Variants in SKAP1 observed in about 807,000 individuals in gnomAD.
SKAP1 encodes the protein src kinase-associated phosphoprotein 1.
SKAP1 carries 44 observed loss-of-function variants against 58.5 expected under a neutral mutation model. The observed-to-expected ratio is 0.75, with a 90% CI of 0.59 to 0.97. The LOEUF (loss-of-function observed/expected upper bound fraction) is 0.97, where lower values mean the gene tolerates loss of function less well. Among genes scored for constraint, SKAP1 ranks in the 50% least tolerant of loss-of-function variants. The pLI is 0.00. For synonymous variants in SKAP1, 127 were observed against 149.7 expected, an observed-to-expected ratio of 0.85 and a Z score of 1.11; for missense variants, 390 against 435.2, an observed-to-expected ratio of 0.90 and a Z score of 0.92.
chr17:48,235,335 G>A (rs1332457839), intron 4 of SKAP1, among the ~76,000 whole-genome samples: 2 of 152,124 alleles, frequency 1.3e-5, no homozygotes, highest in African/African-American at 4.8e-5. Flanking sequence ...TGACCATGGA[G>A]CATTCAGCAT....
At chr17:48,269,944 C>G (rs1168461128) in intron 4 of SKAP1, among the ~76,000 whole-genome samples, 1 of 152,036 alleles carries the variant, frequency 6.6e-6, no homozygotes, top group Non-Finnish European at 1.5e-5. Context: ...GAAACCCTGT[C>G]TCTACTAAAA....
chr17:48,249,635 C>T (rs1412971145), intron 4 of SKAP1, among the ~76,000 whole-genome samples: 1 of 151,822 alleles, frequency 6.6e-6, no homozygotes, highest in Non-Finnish European at 1.5e-5. Flanking sequence ...GATCATGCCT[C>T]GGCACTCCAG....
chr17:48,162,061 G>C (rs2064077108), intron 11 of SKAP1, among the ~76,000 whole-genome samples: 1 of 152,080 alleles, frequency 6.6e-6, no homozygotes, highest in Non-Finnish European at 1.5e-5. Context: ...CGCCTCCCGG[G>C]TTCAAGCAAT....
intron 6 of SKAP1, 132 bp from the exon 7 acceptor site, chr17:48,184,979 G>C: frequency 1.2e-6 from 1 of 837,352 alleles, no homozygotes; most frequent in Admixed American, 3.1e-5. Context: ...GTCAAGGAAA[G>C]GTTATTAGAG....
chr17:48,176,602 T>C (rs966186741), intron 9 of SKAP1, among the ~76,000 whole-genome samples: 5 of 152,144 alleles, frequency 3.3e-5, no homozygotes, highest in Admixed American at 6.5e-5. Context: ...AACACGGATG[T>C]TCAGAAATTC....
intron 4 of SKAP1, among the ~76,000 whole-genome samples, chr17:48,322,834 G>A (rs571005464): frequency 2.0e-5 from 3 of 152,332 alleles, no homozygotes; most frequent in South Asian, 2.1e-4. Context: ...GGCGGCTCAC[G>A]CCTGTAATCC....
chr17:48,164,823 G>C (rs1206147963), intron 10 of SKAP1, among the ~76,000 whole-genome samples: 2 of 152,200 alleles, frequency 1.3e-5, no homozygotes, highest in East Asian at 3.9e-4. Flanking sequence ...TCTCTATTAA[G>C]GAAATCAGTG....
chr17:48,303,081 GA>G (rs1170912118), intron 4 of SKAP1, among the ~76,000 whole-genome samples: 4 of 152,040 alleles, frequency 2.6e-5, no homozygotes, highest in African/African-American at 9.7e-5. Flanking sequence ...AGTACAAAGT[GA>G]AAAAACAAGA....
intron 4 of SKAP1, among the ~76,000 whole-genome samples, chr17:48,236,652 C>T (rs1224981189): frequency 1.3e-5 from 2 of 152,148 alleles, no homozygotes; most frequent in East Asian, 3.8e-4. Context: ...AGGATGTTAA[C>T]TGAGACTGCG....
intron 4 of SKAP1, among the ~76,000 whole-genome samples, chr17:48,221,030 A>G (rs1355137720): frequency 1.3e-5 from 2 of 152,094 alleles, no homozygotes; most frequent in Non-Finnish European, 2.9e-5. Context: ...GTACTTTCGG[A>G]GGCCAAGGCA....
upstream of SKAP1, among the ~76,000 whole-genome samples, chr17:48,433,782 C>A (rs1421699910): frequency 6.6e-6 from 1 of 152,186 alleles, no homozygotes; most frequent in Non-Finnish European, 1.5e-5. Context: ...GCACTGTCAG[C>A]AGACAGAAGA....
intron 4 of SKAP1, among the ~76,000 whole-genome samples, chr17:48,268,264 TA>T (rs758430323): frequency 8.0e-6 from 1 of 124,258 alleles, no homozygotes; most frequent in African/African-American, 3.0e-5. Flanking sequence ...AAAGACTACT[TA>T]AAAAAAAAAC....
chr17:48,419,056 G>A (rs2067764468), intron 1 of SKAP1, among the ~76,000 whole-genome samples: 1 of 151,818 alleles, frequency 6.6e-6, no homozygotes, highest in African/African-American at 2.4e-5. Context: ...TACCTAAAGT[G>A]CTAAGAAGAA....
chr17:48,220,873 A>AAAAG (rs2064996846), intron 4 of SKAP1, among the ~76,000 whole-genome samples: 6 of 91,742 alleles, frequency 6.5e-5, no homozygotes, highest in African/African-American at 2.2e-4. Flanking sequence ...AAAAAAAAAA[A>AAAAG]AAAAGAAAAG....
chr17:48,149,580 C>A (rs1249749228), intron 11 of SKAP1, among the ~76,000 whole-genome samples: 3 of 152,202 alleles, frequency 2.0e-5, no homozygotes, highest in African/African-American at 7.2e-5. Flanking sequence ...CTTATAGCTT[C>A]ATTTCCTGGA....
intron 4 of SKAP1, among the ~76,000 whole-genome samples, chr17:48,249,499 C>G (rs553372490): frequency 6.6e-6 from 1 of 151,908 alleles, no homozygotes; most frequent in Non-Finnish European, 1.5e-5. Context: ...ATGATGAAAC[C>G]CTGTCTCTAC....
chr17:48,264,316 T>A (rs184603759), intron 4 of SKAP1, among the ~76,000 whole-genome samples: 1 of 150,582 alleles, frequency 6.6e-6, no homozygotes, highest in African/African-American at 2.5e-5. Flanking sequence ...CTACCTAATG[T>A]TAGTTCAGGC....
At position 48,430,131 on chromosome 17, in the gene SKAP1, G is replaced by T; in HGVS notation, c.-11C>A. On this transcript the variant is annotated 5_prime_UTR_variant, in exon 1 of 13. Transcript: ENST00000336915. Reference sequence around the variant, plus strand: ...GGCGGCGGCCTGCATTTGGCTGGGCGGGAGAGAGGCGGGACGGGGCGCGGG... The same window carrying T: ...GGCGGCGGCCTGCATTTGGCTGGGCTGGAGAGAGGCGGGACGGGGCGCGGG... The T allele has an allele frequency of 1.6e-6, 2 of 1,260,702 alleles. No homozygotes were observed. Among genetic ancestry groups the T allele is most frequent in the Non-Finnish European group, 2.0e-6 (2 of 995,548 alleles). The allele number at this position is 1,260,702 out of a possible 1,614,324, so 78.1% of individuals were successfully genotyped here.
rs2067198234 is a variant in SKAP1 at position 48,380,228 on chromosome 17, G to A, written c.153-16414C>T. ...GGCTTTCAGTTCTGTCTCACTTTGAGGGATTCTCCAGCATCAGAAACATCT... is the reference window on the plus strand; with the variant it reads ...GGCTTTCAGTTCTGTCTCACTTTGAAGGATTCTCCAGCATCAGAAACATCT... On this transcript the variant is annotated intron_variant, in intron 2 of 12. Transcript: ENST00000336915. The A allele has an allele frequency of 3.9e-5, 6 of 152,226 alleles. No homozygotes were observed. In the South Asian group the frequency reaches 1.2e-3, roughly 31 times the overall value. The allele number at this position is 152,226 out of a possible 1,614,324, so 9.4% of individuals were successfully genotyped here.
Sources: gnomAD v4.1 joint callset for allele counts (sites outside exome capture counted in the v4.1 genomes callset) on GRCh38, gnomAD v4.1.1 for gene constraint, MANE v1.5 for transcripts, NCBI Gene and HGNC (gene_info 2026-07-23, HGNC 2026-07-21) for gene names.